The following MIB1 variants were observed in gnomAD, a reference collection of about 807,000 sequenced individuals.
The protein encoded by MIB1 is E3 ubiquitin-protein ligase MIB1.
MIB1 carries 278 observed loss-of-function variants against 124.5 expected under a neutral mutation model. The ratio of observed to expected loss-of-function variants is 2.23; its 90% CI spans 2.02 to 2.47. The LOEUF (loss-of-function observed/expected upper bound fraction) is 2.47, where lower values mean the gene tolerates loss of function less well. Ranked by LOEUF, MIB1 falls within the 30% of genes most tolerant of loss-of-function variation. The pLI, the probability that MIB1 is intolerant of heterozygous loss-of-function variation, is 0.00. For missense variants in MIB1, 957 were observed against 1,254.4 expected, an observed-to-expected ratio of 0.76 and a Z score of 3.58; for synonymous variants, 446 against 429.4, an observed-to-expected ratio of 1.04 and a Z score of -0.48.
At chr18:21,831,113 A>AC (rs2041976143) in intron 12 of MIB1, 1 of 151,670 alleles carries the variant, frequency 6.6e-6, no homozygotes, top group East Asian at 1.9e-4. Context: ...GACAAAAAAA[A>AC]AAAAAAACAA....
chr18:21,789,426 A>G (rs1424778297), intron 6 of MIB1, among the ~76,000 whole-genome samples: 27 of 152,166 alleles, frequency 1.8e-4, no homozygotes, highest in Admixed American at 1.8e-3. Flanking sequence ...CAAATAAGGT[A>G]ACATTAACAG....
rs1267254142 is a variant in MIB1 at position 21,741,604 on chromosome 18, C to T, written c.21C>T (p.Asn7=). Residue 7 remains asparagine (N), a synonymous_variant, in exon 1 of 21, where the codon AAC becomes AAT. Transcript: ENST00000261537. The surrounding 1 kb of genome is among the most constrained non-coding windows in gnomAD (Gnocchi z 5.4). MSNSRN[N]RVMVEGVGAR... is the part of the protein sequence containing the mutation. ...CCCCGATGAGTAACTCCCGGAATAA[C>T]CGGGTGATGGTGGAAGGGGTTGGCG... is the stretch of plus-strand genomic sequence containing the variant. 7 of 1,575,726 alleles carry T rather than the reference C, an allele frequency of 4.4e-6. No individual in the cohort carries two copies. Among genetic ancestry groups the T allele is most frequent in the East Asian group, 2.4e-5 (1 of 40,922 alleles).
chr18:21,748,389 T>G (rs2040935194), intron 1 of MIB1, among the ~76,000 whole-genome samples: 1 of 80,846 alleles, frequency 1.2e-5, no homozygotes, highest in Non-Finnish European at 2.3e-5. Flanking sequence ...CCTCCCTCTC[T>G]CCCCCCTCCC....
intron 1 of MIB1, among the ~76,000 whole-genome samples, chr18:21,719,435 A>G (rs1259412245): frequency 1.3e-5 from 2 of 152,088 alleles, no homozygotes; most frequent in African/African-American, 2.4e-5. Flanking sequence ...TAAAAATCTC[A>G]GAAACAGAGT....
At chr18:21,772,761 G>A (rs371834527) in intron 3 of MIB1, among the ~76,000 whole-genome samples, 49 of 152,092 alleles carry the variant, frequency 3.2e-4, no homozygotes, top group African/African-American at 1.2e-3. Context: ...GGTTTCCATG[G>A]TAGGCATGCC....
Position 21,864,620 on chromosome 18 carries a change from G to T in MIB1, c.2975G>T (p.Cys992Phe), listed in dbSNP as rs761593152. 1.2e-6 allele frequency: 2 copies of T among 1,613,806 alleles called. No individual in the cohort carries two copies. Among genetic ancestry groups the T allele is most frequent in the Non-Finnish European group, 8.5e-7 (1 of 1,179,760 alleles). Residue 992 changes from cysteine (C) to phenylalanine (F), a missense_variant, in exon 21 of 21, where the codon TGT becomes TTT. Coordinates refer to ENST00000261537, the MANE Select transcript of MIB1 (RefSeq NM_020774.4). ...CTCTGTGGAGACCGCATGAGTGAAT[G>T]TCCTATCTGTCGCAAGGCTATTGAA... is the stretch of plus-strand genomic sequence containing the variant. ...CQLCGDRMSE[C>F]PICRKAIERR...
At chr18:21,839,456 G>A (rs1023947993) in intron 13 of MIB1, among the ~76,000 whole-genome samples, 4 of 152,056 alleles carry the variant, frequency 2.6e-5, no homozygotes, top group Non-Finnish European at 4.4e-5. Context: ...CTCTTTCTTT[G>A]TCTTTCTCAG....
At chr18:21,763,279 G>T (rs778775395) in intron 1 of MIB1, among the ~76,000 whole-genome samples, 3 of 152,058 alleles carry the variant, frequency 2.0e-5, no homozygotes, top group Non-Finnish European at 4.4e-5. Context: ...TACCATTTGA[G>T]GTAGCAGTTT....
chr18:21,785,604 TAA>T (rs1194459614), intron 6 of MIB1, among the ~76,000 whole-genome samples: 1 of 152,232 alleles, frequency 6.6e-6, no homozygotes, highest in Non-Finnish European at 1.5e-5. Flanking sequence ...ATTTTTTTGA[TAA>T]GTTTGTCTTT....
chr18:21,804,326 G>T (rs1210760029), intron 10 of MIB1, among the ~76,000 whole-genome samples: 1 of 152,202 alleles, frequency 6.6e-6, no homozygotes, highest in Non-Finnish European at 1.5e-5. Context: ...GAAGGACGAG[G>T]AATATAAATC....
intron 1 of MIB1, among the ~76,000 whole-genome samples, chr18:21,715,588 T>A: frequency 6.6e-6 from 1 of 150,490 alleles, no homozygotes. Flanking sequence ...CAGAGAAAGG[T>A]GAAGCTCAAT....
chr18:21,761,172 A>G (rs1288301189), intron 1 of MIB1, among the ~76,000 whole-genome samples: 2 of 152,054 alleles, frequency 1.3e-5, no homozygotes, highest in African/African-American at 4.8e-5. Flanking sequence ...TTCTAACACA[A>G]ATACCAAAAG....
chr18:21,842,417 A>G (rs548541954), intron 13 of MIB1, among the ~76,000 whole-genome samples: 1 of 152,290 alleles, frequency 6.6e-6, no homozygotes, highest in Admixed American at 6.5e-5. Flanking sequence ...TAATCTTCAC[A>G]TTAGCCCTGT....
rs532700185 is a variant in MIB1 at position 21,854,457 on chromosome 18, A to G, written c.2665+1239A>G. Among the ~76,000 whole-genome samples the G allele has an allele frequency of 7.2e-5, 11 of 152,344 alleles. No homozygotes were observed. In the South Asian group the frequency reaches 1.0e-3, roughly 14 times the overall value. On this transcript the variant is annotated intron_variant, in intron 18 of 20. Transcript: ENST00000261537. ...TTTGGCCCTCAGGTGTAGTTTGCTG[A>G]CATCTGTCATTCACCAAAGTGATAC...
intron 1 of MIB1, among the ~76,000 whole-genome samples, chr18:21,729,136 G>C (rs894420441): frequency 1.3e-5 from 2 of 152,184 alleles, no homozygotes; most frequent in Non-Finnish European, 2.9e-5. Flanking sequence ...TCAATGACCT[G>C]CTTATATATC....
At chr18:21,857,012 T>C (rs1266858094) in intron 18 of MIB1, 118 bp from the exon 19 acceptor site, 6 of 701,902 alleles carry the variant, frequency 8.5e-6, no homozygotes, top group Middle Eastern at 2.3e-4. Flanking sequence ...TGCATATTGC[T>C]ATAACTTGTA....
chr18:21,856,206 C>T (rs1489385594), intron 18 of MIB1, among the ~76,000 whole-genome samples: 3 of 142,772 alleles, frequency 2.1e-5, no homozygotes, highest in Non-Finnish European at 4.5e-5. Flanking sequence ...GTCCGCAGTC[C>T]GGCCTGGGCG....
chr18:21,858,571 A>G lies in MIB1; in HGVS notation c.2805A>G (p.Gln935=), dbSNP rs765059405. The change falls in exon 20 of 21, where the codon CAA becomes CAG. Residue 935 remains glutamine, a synonymous_variant. Transcript: ENST00000261537. The stretch of plus-strand genomic sequence containing the variant: ...CAAGTGGGAATATTCCAGTATTACA[A>G]AAGGACAAGGATAATACCAATGTCA... ...DISSGNIPVL[Q]KDKDNTNVNA... is the part of the protein sequence containing the mutation. The G allele has an allele frequency of 3.2e-6, 5 of 1,585,962 alleles. No individual in the cohort carries two copies. In the Admixed American group the frequency reaches 5.0e-5, roughly 16 times the overall value.
upstream of MIB1, among the ~76,000 whole-genome samples, chr18:21,739,267 A>C (rs2040814904): frequency 6.6e-6 from 1 of 152,182 alleles, no homozygotes; most frequent in Non-Finnish European, 1.5e-5. Flanking sequence ...CAGACCAATA[A>C]CAAGTTCTGA....
Sources: allele counts gnomAD v4.1 joint callset (sites outside exome capture counted in the v4.1 genomes callset), GRCh38; gene constraint gnomAD v4.1.1; non-coding constraint Gnocchi (gnomAD v3.1); transcripts MANE v1.5; gene names NCBI Gene and HGNC (gene_info 2026-07-23, HGNC 2026-07-21).